MECOM: variants seen among roughly 807,000 people sequenced by gnomAD.
MECOM encodes histone-lysine N-methyltransferase MECOM.
Under a neutral mutation model 116.3 loss-of-function variants are expected in MECOM, and 13 were observed. The observed-to-expected ratio is 0.11, with a 90% confidence interval of 0.07 to 0.18. The LOEUF is 0.18. Among genes scored for constraint, MECOM ranks in the 10% least tolerant of loss-of-function variants. The pLI is 1.00. For synonymous variants in MECOM, 528 were observed against 535.2 expected (o/e 0.99, Z 0.19); for missense variants, 1,299 against 1,509.0 (o/e 0.86, Z 2.31).
At chr3:169,375,931 T>C (rs1730955823) in intron 2 of MECOM, among the ~76,000 whole-genome samples, 1 of 152,076 alleles carries the variant, frequency 6.6e-6, no homozygotes, top group Admixed American at 6.6e-5. Flanking sequence ...AAATCCTCAA[T>C]AAAATACCGG....
chr3:169,488,398 T>C (rs1752667371), intron 1 of MECOM, among the ~76,000 whole-genome samples: 1 of 136,830 alleles, frequency 7.3e-6, no homozygotes. Context: ...AAAAAAAAAT[T>C]AGCCAGGTGT....
intron 1 of MECOM, among the ~76,000 whole-genome samples, chr3:169,423,438 G>A (rs949719254): frequency 2.0e-5 from 3 of 152,000 alleles, no homozygotes; most frequent in African/African-American, 4.8e-5. Context: ...CAAGTTTTCC[G>A]ATCACCTGAA....
At chr3:169,441,653 A>G (rs1355627883) in intron 1 of MECOM, among the ~76,000 whole-genome samples, 3 of 152,106 alleles carry the variant, frequency 2.0e-5, no homozygotes, top group Non-Finnish European at 4.4e-5. Flanking sequence ...TCAAATATGC[A>G]TAAAATTTTT....
intron 1 of MECOM, among the ~76,000 whole-genome samples, chr3:169,619,982 C>T (rs939636089): frequency 3.3e-5 from 5 of 152,158 alleles, no homozygotes; most frequent in African/African-American, 4.8e-5. Context: ...AAAACAATAG[C>T]GGCTTCTTGT....
At chr3:169,437,245 C>T (rs1469849328) in intron 1 of MECOM, among the ~76,000 whole-genome samples, 1 of 152,162 alleles carries the variant, frequency 6.6e-6, no homozygotes, top group African/African-American at 2.4e-5. Flanking sequence ...GCTTCAAATC[C>T]AGTTAACTTG....
chr3:169,531,757 A>C (rs1263398003), intron 1 of MECOM, among the ~76,000 whole-genome samples: 1 of 152,234 alleles, frequency 6.6e-6, no homozygotes, highest in East Asian at 1.9e-4. Context: ...TAAAGCCTGT[A>C]TAGCAGTAAA....
intron 2 of MECOM, among the ~76,000 whole-genome samples, chr3:169,371,942 C>T (rs1730211048): frequency 6.6e-6 from 1 of 151,974 alleles, no homozygotes; most frequent in African/African-American, 2.4e-5. Flanking sequence ...AGTGTGAGAA[C>T]TATTTATTTT....
chr3:169,260,074 C>CA (rs1001021888), intron 2 of MECOM, among the ~76,000 whole-genome samples: 5 of 152,138 alleles, frequency 3.3e-5, no homozygotes, highest in African/African-American at 9.7e-5. Context: ...AAAGTAGGTA[C>CA]AAAATGGGGG....
At chr3:169,341,521 C>A (rs1232769406) in intron 2 of MECOM, among the ~76,000 whole-genome samples, 1 of 150,732 alleles carries the variant, frequency 6.6e-6, no homozygotes, top group Non-Finnish European at 1.5e-5. Context: ...GTGGGAGGAT[C>A]ATGAGGTCAA....
chr3:169,397,041 A>C (rs1165210160), intron 1 of MECOM, among the ~76,000 whole-genome samples: 2 of 152,204 alleles, frequency 1.3e-5, no homozygotes, highest in Non-Finnish European at 2.9e-5. Flanking sequence ...GCTTTAGAGT[A>C]ATATACAAAT....
At chr3:169,218,547 C>T (rs1463666829) in intron 2 of MECOM, among the ~76,000 whole-genome samples, 1 of 152,138 alleles carries the variant, frequency 6.6e-6, no homozygotes, top group Non-Finnish European at 1.5e-5. Context: ...GAGTGCTATG[C>T]ATCCAGGGTG....
At position 169,478,994 on chromosome 3, in the gene MECOM, A is replaced by AGGG. The variant is rs547217130; in HGVS notation, c.38-97471_38-97470insCCC. ...TATTTATTCACCAAAATATTTGTTG[A>AGGG]TCACCTATTATGTACCAGGCATAGA... On this transcript the variant is annotated intron_variant, in intron 1 of 16. Transcript: ENST00000651503. 9.0e-4 allele frequency among the ~76,000 whole-genome samples: 137 copies of AGGG among 152,272 alleles called. 1 individual carries two copies. The highest frequency in any genetic ancestry group is 3.1e-3 in the African/African-American group (130 of 41,558).
chr3:169,621,212 T>A (rs999297077), intron 1 of MECOM, among the ~76,000 whole-genome samples: 2 of 152,232 alleles, frequency 1.3e-5, no homozygotes, highest in Non-Finnish European at 2.9e-5. Flanking sequence ...CTATTTCACA[T>A]TTCTTAACCT....
chr3:169,347,435 A>G (rs999510311), intron 2 of MECOM, among the ~76,000 whole-genome samples: 4 of 152,176 alleles, frequency 2.6e-5, no homozygotes, highest in African/African-American at 9.6e-5. Flanking sequence ...ATTTTCCTGT[A>G]AACTTTTTGG....
chr3:169,116,938 T>C (rs1729344430), intron 7 of MECOM, among the ~76,000 whole-genome samples, 199 bp from the exon 8 acceptor site: 1 of 152,132 alleles, frequency 6.6e-6, no homozygotes, highest in Non-Finnish European at 1.5e-5. Flanking sequence ...ACAAATGTCT[T>C]GAGGCAGCAC....
At chr3:169,658,069 A>C (rs1387128856) in intron 1 of MECOM, among the ~76,000 whole-genome samples, 1 of 152,158 alleles carries the variant, frequency 6.6e-6, no homozygotes, top group Non-Finnish European at 1.5e-5. Flanking sequence ...TTCCCTGGTA[A>C]ACTCTGAAGG....
intron 2 of MECOM, among the ~76,000 whole-genome samples, chr3:169,283,940 A>G (rs1712718708): frequency 6.6e-6 from 1 of 152,204 alleles, no homozygotes; most frequent in Non-Finnish European, 1.5e-5. Context: ...TAATAGATTT[A>G]TCTGTTACAT....
chr3:169,655,743 A>T (rs778848650), intron 1 of MECOM, among the ~76,000 whole-genome samples: 2 of 152,222 alleles, frequency 1.3e-5, no homozygotes, highest in Non-Finnish European at 2.9e-5. Flanking sequence ...ACATGTAAAT[A>T]CTTTTAAAAA....
intron 1 of MECOM, among the ~76,000 whole-genome samples, chr3:169,659,087 A>AG (rs1309793373): frequency 3.2e-4 from 48 of 151,456 alleles, no homozygotes; most frequent in African/African-American, 1.0e-3. Context: ...AAAAAAAAAA[A>AG]AAAAGAAAGA....
Sources: gnomAD v4.1 joint callset for allele counts (sites outside exome capture counted in the v4.1 genomes callset) on GRCh38, gnomAD v4.1.1 for gene constraint, MANE v1.5 for transcripts, NCBI Gene and HGNC (gene_info 2026-07-23, HGNC 2026-07-21) for gene names.